Variants in GP2 observed in about 807,000 individuals in gnomAD.
GP2 encodes the protein pancreatic secretory granule membrane major glycoprotein GP2.
Under a neutral mutation model 60.8 loss-of-function variants are expected in GP2, and 58 were observed. The observed-to-expected ratio is 0.95, with a 90% CI of 0.77 to 1.19. The LOEUF is 1.19. Among genes scored for constraint, GP2 ranks in the 50% most tolerant of loss-of-function variants. GP2 has a pLI of 0.00. For synonymous variants in GP2, 280 were observed against 253.4 expected (o/e 1.10, Z -1.00); for missense variants, 647 against 667.4 (o/e 0.97, Z 0.34).
intron 6 of GP2, among the ~76,000 whole-genome samples, chr16:20,319,260 T>C (rs977876270): frequency 6.6e-6 from 1 of 152,182 alleles, no homozygotes; most frequent in African/African-American, 2.4e-5. Flanking sequence ...GTACTCATCT[T>C]GCTTATAAGT....
chr16:20,317,232 A>G lies in GP2; in HGVS notation c.1397T>C (p.Leu466Pro), dbSNP rs552396625. ...ACTCACAGGCTGGCACTGTTCATTA[A>G]GAGAATCACAGAGATGAATCTCACA... Reference protein sequence around the residue: ...LHCEIHLCDSLNEQCQPSCSR... With the variant: ...LHCEIHLCDSPNEQCQPSCSR... The change falls in exon 8 of 11, where the codon CTT (leucine) becomes CCT (proline). Residue 466 changes from leucine to proline, a missense_variant. Transcript: ENST00000302555. The G allele has an allele frequency of 2.7e-5, 44 of 1,613,236 alleles. No homozygotes were observed. In the East Asian group the frequency reaches 8.0e-4, roughly 29 times the overall value.
rs754118783 is a variant in GP2 at position 20,326,455 on chromosome 16, A to T, written c.-24T>A. 1 of 1,612,886 alleles carries T rather than the reference A, an allele frequency of 6.2e-7. No homozygotes were observed. Among genetic ancestry groups the T allele is most frequent in the East Asian group, 2.2e-5 (1 of 44,864 alleles). ...ATGCAGGTCACTTTGCTGTATGCAG[A>T]CTTCCCATGCAGCTATGGGAAAGAA... On this transcript the variant is annotated 5_prime_UTR_variant, in exon 2 of 11. Coordinates refer to ENST00000302555, the MANE Select transcript of GP2 (RefSeq NM_001502.4).
At chr16:20,323,384 G>A (rs888122909) in intron 3 of GP2, 5 of 718,316 alleles carry the variant, frequency 7.0e-6, no homozygotes, top group Admixed American at 2.0e-5. Flanking sequence ...CACTTACCTC[G>A]TGGAACTGGG....
chr16:20,317,303 A>G lies in GP2; in HGVS notation c.1326T>C (p.Val442=), dbSNP rs1423182734. The change falls in exon 8 of 11, where the codon GTT becomes GTC. Residue 442 remains valine (V), a synonymous_variant. Transcript: ENST00000302555. ...AATGTCCAGCAAACATGAACATCTGAACTGAGAACCGGCTTTCCGAGGACT... is the reference window on the plus strand; with the variant it reads ...AATGTCCAGCAAACATGAACATCTGGACTGAGAACCGGCTTTCCGAGGACT... The part of the protein sequence containing the change: ...NGQSSESRFS[V]QMFMFAGHYD... 6.2e-7 allele frequency: 1 copy of G among 1,613,230 alleles called. No homozygotes were observed. The highest frequency in any genetic ancestry group is 1.7e-5 in the Admixed American group (1 of 60,020).
intron 5 of GP2, among the ~76,000 whole-genome samples, 178 bp from the exon 6 acceptor site, chr16:20,319,946 G>A (rs1410824822): frequency 3.9e-5 from 6 of 152,158 alleles, no homozygotes; most frequent in African/African-American, 9.7e-5. Flanking sequence ...ATGGGAAGGC[G>A]AATGAGGAAA....
intron 10 of GP2, among the ~76,000 whole-genome samples, chr16:20,313,028 G>A (rs372427777): frequency 3.6e-4 from 55 of 152,200 alleles, no homozygotes; most frequent in African/African-American, 1.2e-3. Flanking sequence ...ATGCTAGCAC[G>A]GAACATAGAG....
Position 20,322,936 on chromosome 16 carries a change from G to A in GP2, c.579C>T (p.Pro193=), listed in dbSNP as rs138839493. ...VEDKCEKACR[P]EEECLALNST... ...TGTTGAGGGCAAGGCACTCCTCCTC[G>A]GGGCGGCAGGCCTTCTCACACTTGT... Residue 193 remains proline (P), a synonymous_variant, in exon 4 of 11, where the codon CCC becomes CCT. Transcript: ENST00000302555. 8.0e-5 allele frequency: 129 copies of A among 1,612,866 alleles called. No individual in the cohort carries two copies. In the Middle Eastern group the frequency reaches 2.5e-3, roughly 31 times the overall value.
intron 10 of GP2, among the ~76,000 whole-genome samples, chr16:20,314,338 C>A (rs1439382118): frequency 6.9e-6 from 1 of 145,924 alleles, no homozygotes; most frequent in African/African-American, 2.5e-5. Context: ...TCTTTTATTT[C>A]TAAAGTACCA....
Position 20,317,259 on chromosome 16 carries a change from T to A in GP2, c.1370A>T (p.His457Leu), listed in dbSNP as rs144732434. The change falls in exon 8 of 11, where the codon CAT becomes CTT. Residue 457 changes from histidine (H) to leucine (L), a missense_variant. Physicochemically the swap from His to Leu is moderately conservative, Grantham distance 99. Coordinates refer to ENST00000302555, the MANE Select transcript of GP2 (RefSeq NM_001502.4). Reference protein sequence around the residue: ...FAGHYDLVFLHCEIHLCDSLN... With the variant: ...FAGHYDLVFLLCEIHLCDSLN... ...AGAATCACAGAGATGAATCTCACAATGCAGGAAAACTAGGTCATAATGTCC... is the reference window on the plus strand; with the variant it reads ...AGAATCACAGAGATGAATCTCACAAAGCAGGAAAACTAGGTCATAATGTCC... The A allele has an allele frequency of 6.2e-7, 1 of 1,613,708 alleles. No individual in the cohort carries two copies. The highest frequency in any genetic ancestry group is 8.5e-7 in the Non-Finnish European group (1 of 1,179,652).
intron 1 of GP2, 51 bp from the exon 2 acceptor site, chr16:20,326,518 T>C: frequency 1.4e-6 from 2 of 1,461,868 alleles, no homozygotes; most frequent in Admixed American, 2.0e-5. Context: ...TCTATGTTCT[T>C]AGAAACAGAT....
intron 7 of GP2, 61 bp from the exon 8 acceptor site, chr16:20,317,436 A>G: frequency 2.3e-6 from 3 of 1,326,690 alleles, no homozygotes; most frequent in South Asian, 2.5e-5. Flanking sequence ...AAAATTAAAG[A>G]GTCCCTCGGG....
At chr16:20,321,910 G>C (rs1325087202) in intron 4 of GP2, among the ~76,000 whole-genome samples, 1 of 152,142 alleles carries the variant, frequency 6.6e-6, no homozygotes, top group Non-Finnish European at 1.5e-5. Flanking sequence ...CCAGGTACAG[G>C]GAGGGCCTCC....
At chr16:20,320,206 A>G in intron 5 of GP2, 56 bp downstream of exon 5, 1 of 1,240,726 alleles carries the variant, frequency 8.1e-7, no homozygotes, top group Non-Finnish European at 1.2e-6. Flanking sequence ...CTACTATGAT[A>G]GGTCCCATCA....
chr16:20,315,989 G>A lies in GP2; in HGVS notation c.1468C>T (p.Arg490Trp), dbSNP rs146359465. Residue 490 changes from arginine to tryptophan, a missense_variant, in exon 9 of 11, where the codon CGG (arginine) becomes TGG (tryptophan). Arg to Trp is a moderately radical substitution (Grantham distance 101). Coordinates refer to ENST00000302555, the MANE Select transcript of GP2 (RefSeq NM_001502.4). ...GTGATGGGCCCCAAATCTAGAACCC[G>A]GGCTAGGTCGATGGCCGGTACTTCA... The part of the protein sequence containing the change: ...RSEVPAIDLA[R>W]VLDLGPITRR... 5.0e-5 allele frequency: 80 copies of A among 1,613,306 alleles called. 1 individual carries two copies. The highest frequency in any genetic ancestry group is 2.3e-4 in the South Asian group (21 of 91,058).
chr16:20,327,458 A>G lies in GP2; in HGVS notation c.-37+9T>C, dbSNP rs1411259030. The G allele has an allele frequency of 7.8e-7, 1 of 1,285,882 alleles. No homozygotes were observed. Among genetic ancestry groups the G allele is most frequent in the Non-Finnish European group, 1.0e-6 (1 of 986,392 alleles). 79.7% of individuals were successfully genotyped at this position (1,285,882 alleles called of 1,614,324 possible). A position where few individuals can be genotyped will look rare whatever the true frequency, so the allele number is the denominator to read the frequency against. ...GAGGAAGCCTCCTGGGGCTTAAAGC[A>G]GGACTTACCTCCGATGAGAACACAA... On this transcript the variant is annotated intron_variant, in intron 1 of 10. Transcript: ENST00000302555.
At position 20,322,939 on chromosome 16, in the gene GP2, G is replaced by A. The variant is rs765309314; in HGVS notation, c.576C>T (p.Arg192=). The A allele has an allele frequency of 1.2e-6, 2 of 1,613,100 alleles. No homozygotes were observed. Among genetic ancestry groups the A allele is most frequent in the Non-Finnish European group, 1.7e-6 (2 of 1,179,146 alleles). Residue 192 remains arginine, a synonymous_variant, in exon 4 of 11, where the codon CGC becomes CGT. Coordinates refer to ENST00000302555, the MANE Select transcript of GP2 (RefSeq NM_001502.4). ...TGAGGGCAAGGCACTCCTCCTCGGG[G>A]CGGCAGGCCTTCTCACACTTGTCCT... ...TVEDKCEKAC[R]PEEECLALNS...
At chr16:20,314,434 T>A (rs1160708636) in intron 10 of GP2, among the ~76,000 whole-genome samples, 1 of 152,064 alleles carries the variant, frequency 6.6e-6, no homozygotes, top group Non-Finnish European at 1.5e-5. Flanking sequence ...TGCCATCACA[T>A]CTTCAGTGCC....
At chr16:20,313,194 A>G (rs1397201248) in intron 10 of GP2, among the ~76,000 whole-genome samples, 1 of 152,170 alleles carries the variant, frequency 6.6e-6, no homozygotes, top group East Asian at 1.9e-4. Context: ...TGTCCAAGAC[A>G]TATTTCTAGT....
intron 7 of GP2, among the ~76,000 whole-genome samples, chr16:20,317,874 G>T (rs1964233988): frequency 6.6e-6 from 1 of 152,090 alleles, no homozygotes; most frequent in African/African-American, 2.4e-5. Flanking sequence ...TTATCATATT[G>T]TTTTCATATT....
Sources: allele counts gnomAD v4.1 joint callset (sites outside exome capture counted in the v4.1 genomes callset), GRCh38; gene constraint gnomAD v4.1.1; transcripts MANE v1.5; gene names NCBI Gene and HGNC (gene_info 2026-07-23, HGNC 2026-07-21).